GRIP1: variants seen among roughly 807,000 people sequenced by gnomAD.
The protein encoded by GRIP1 is glutamate receptor-interacting protein 1.
In GRIP1, 45 loss-of-function variants were observed where a neutral mutation model predicts 129.9. The observed-to-expected ratio is 0.35, with a 90% CI of 0.27 to 0.44. GRIP1 has a LOEUF of 0.44. Ranked by LOEUF, GRIP1 falls within the 20% of genes least tolerant of loss-of-function variation. GRIP1 has a pLI of 1.00. For missense variants in GRIP1, 1,196 were observed against 1,396.8 expected, an observed-to-expected ratio of 0.86 and a Z score of 2.29; for synonymous variants, 530 against 520.8, an observed-to-expected ratio of 1.02 and a Z score of -0.24.
intron 2 of GRIP1, among the ~76,000 whole-genome samples, chr12:66,543,289 C>A (rs1170288427): frequency 2.0e-5 from 3 of 152,036 alleles, no homozygotes; most frequent in African/African-American, 7.2e-5. Context: ...TGGAATCCTG[C>A]CTTTTCATGG....
intron 1 of GRIP1, among the ~76,000 whole-genome samples, chr12:66,779,760 A>C (rs565656624): frequency 1.3e-5 from 2 of 152,362 alleles, no homozygotes; most frequent in South Asian, 4.1e-4. Flanking sequence ...GACCCAGTAA[A>C]CAAGTAATAT....
At chr12:66,863,001 G>A (rs937831800) in intron 1 of GRIP1, among the ~76,000 whole-genome samples, 1 of 151,906 alleles carries the variant, frequency 6.6e-6, no homozygotes, top group South Asian at 2.1e-4. Flanking sequence ...TACATGTAAA[G>A]TTGGATGATA....
intron 23 of GRIP1, among the ~76,000 whole-genome samples, chr12:66,361,232 G>A (rs1049270946): frequency 6.6e-6 from 1 of 152,194 alleles, no homozygotes; most frequent in African/African-American, 2.4e-5. Context: ...TGTCTGGGGA[G>A]TCTTCTTGGC....
At chr12:66,718,019 AAC>A (rs987159721) in intron 1 of GRIP1, among the ~76,000 whole-genome samples, 1 of 152,096 alleles carries the variant, frequency 6.6e-6, no homozygotes, top group Non-Finnish European at 1.5e-5. Flanking sequence ...GGGTCATCAC[AAC>A]ACAGTTTCCA....
chr12:66,800,588 G>A (rs1227755882), intron 1 of GRIP1, among the ~76,000 whole-genome samples: 1 of 152,012 alleles, frequency 6.6e-6, no homozygotes, highest in Non-Finnish European at 1.5e-5. Context: ...AAATACACAT[G>A]ACAATAGAAT....
intron 16 of GRIP1, among the ~76,000 whole-genome samples, chr12:66,397,788 T>C (rs1263722621): frequency 6.6e-6 from 1 of 152,122 alleles, no homozygotes; most frequent in African/African-American, 2.4e-5. Flanking sequence ...TGAAGCAAGG[T>C]TGGTTGTAAG....
intron 12 of GRIP1, among the ~76,000 whole-genome samples, 162 bp downstream of exon 12, chr12:66,445,160 T>C (rs2058585262): frequency 6.6e-6 from 1 of 152,228 alleles, no homozygotes; most frequent in Non-Finnish European, 1.5e-5. Flanking sequence ...CATTACTCTT[T>C]TCAAACCTGA....
chr12:66,576,296 T>G (rs2063137115), intron 2 of GRIP1, among the ~76,000 whole-genome samples: 1 of 152,232 alleles, frequency 6.6e-6, no homozygotes, highest in Non-Finnish European at 1.5e-5. Flanking sequence ...ACCCAAAGCC[T>G]GCAAATCAGC....
At chr12:66,606,365 C>T (rs2064529020) in intron 1 of GRIP1, among the ~76,000 whole-genome samples, 1 of 152,080 alleles carries the variant, frequency 6.6e-6, no homozygotes, top group Non-Finnish European at 1.5e-5. Flanking sequence ...TTTTAGATGC[C>T]TCTTTCATTA....
At chr12:66,649,024 T>G (rs2032584881) in intron 1 of GRIP1, among the ~76,000 whole-genome samples, 1 of 152,220 alleles carries the variant, frequency 6.6e-6, no homozygotes, top group Admixed American at 6.5e-5. Context: ...CCGTATAGGC[T>G]CACAGGGGGT....
At chr12:67,058,925 G>A (rs1304265626) in intron 1 of GRIP1, among the ~76,000 whole-genome samples, 2 of 152,196 alleles carry the variant, frequency 1.3e-5, no homozygotes, top group Non-Finnish European at 2.9e-5. Context: ...AAAATCAGAT[G>A]TAAGTGTCTG....
intron 12 of GRIP1, 149 bp from the exon 13 acceptor site, chr12:66,444,878 C>G (rs1390053638): frequency 1.6e-5 from 12 of 773,476 alleles, no homozygotes; most frequent in African/African-American, 3.4e-5. Flanking sequence ...AGGTCAAATT[C>G]AACGTCGTGT....
chr12:66,857,638 T>C (rs1592907278), intron 1 of GRIP1, among the ~76,000 whole-genome samples: 1 of 151,916 alleles, frequency 6.6e-6, no homozygotes, highest in East Asian at 1.9e-4. Flanking sequence ...AAGTGCTGGG[T>C]ATTTTCCATC....
chr12:66,508,140 G>A (rs1466564258), intron 7 of GRIP1, among the ~76,000 whole-genome samples: 1 of 152,200 alleles, frequency 6.6e-6, no homozygotes, highest in East Asian at 1.9e-4. Context: ...GATCCACGAT[G>A]TCATTGTGCA....
chr12:66,949,015 G>A (rs1004662222), intron 1 of GRIP1, among the ~76,000 whole-genome samples: 1 of 152,092 alleles, frequency 6.6e-6, no homozygotes, highest in Non-Finnish European at 1.5e-5. Flanking sequence ...GAGCTGACAC[G>A]GAGAGGAAAT....
At chr12:67,014,607 A>T (rs1004969328) in intron 1 of GRIP1, among the ~76,000 whole-genome samples, 1 of 152,132 alleles carries the variant, frequency 6.6e-6, no homozygotes, top group Non-Finnish European at 1.5e-5. Flanking sequence ...AACAAATGTA[A>T]CACAAAGGGG....
At position 66,424,133 on chromosome 12, in the gene GRIP1, G is replaced by A. The variant is rs184084678; in HGVS notation, c.1769-3344C>T. Among the ~76,000 whole-genome samples the A allele has an allele frequency of 5.9e-5, 9 of 152,150 alleles. No homozygotes were observed. In the East Asian group the frequency reaches 1.2e-3, roughly 20 times the overall value. On this transcript the variant is annotated intron_variant, in intron 14 of 24. Transcript: ENST00000359742. ...ACAAGCTTGTTCAGAATTCATCGTC[G>A]TCATGTGTGTCTACAGCTCTTCTGC...
intron 1 of GRIP1, among the ~76,000 whole-genome samples, chr12:66,614,031 G>A (rs1301556726): frequency 1.3e-5 from 2 of 152,156 alleles, no homozygotes; most frequent in African/African-American, 4.8e-5. Flanking sequence ...ACACCATGTG[G>A]TTCTGGCTTC....
intron 13 of GRIP1, among the ~76,000 whole-genome samples, chr12:66,433,630 T>TA (rs1402088342): frequency 1.3e-5 from 2 of 152,208 alleles, no homozygotes; most frequent in Non-Finnish European, 2.9e-5. Context: ...ATACTCTTCT[T>TA]AAAATTCCTT....
Sources: gnomAD v4.1 joint callset for allele counts (sites outside exome capture counted in the v4.1 genomes callset) on GRCh38, gnomAD v4.1.1 for gene constraint, MANE v1.5 for transcripts, NCBI Gene and HGNC (gene_info 2026-07-23, HGNC 2026-07-21) for gene names.